Variants in GRIN2B observed in about 807,000 individuals in gnomAD.
GRIN2B encodes glutamate receptor ionotropic, NMDA 2B.
GRIN2B carries 5 observed loss-of-function variants against 114.5 expected under a neutral mutation model. The observed-to-expected ratio is 0.04, with a 90% CI of 0.02 to 0.09. The LOEUF is 0.09. Ranked by LOEUF, GRIN2B falls within the 10% of genes least tolerant of loss-of-function variation. The pLI is 1.00. For synonymous variants in GRIN2B, 787 were observed against 745.1 expected (o/e 1.06, Z -0.92); for missense variants, 1,108 against 1,943.5 (o/e 0.57, Z 8.08).
chr12:13,728,557 GA>G, intron 4 of GRIN2B, among the ~76,000 whole-genome samples: 1 of 152,136 alleles, frequency 6.6e-6, no homozygotes. Flanking sequence ...CTGGAAGAGA[GA>G]AAGGATGGAG....
At chr12:13,699,024 T>C (rs1950286992) in intron 4 of GRIN2B, among the ~76,000 whole-genome samples, 1 of 152,158 alleles carries the variant, frequency 6.6e-6, no homozygotes, top group Non-Finnish European at 1.5e-5. Flanking sequence ...CTTGGGAAGG[T>C]GACCATCCAT....
intron 2 of GRIN2B, among the ~76,000 whole-genome samples, chr12:13,923,005 A>T (rs887177382): frequency 2.0e-5 from 3 of 152,140 alleles, no homozygotes; most frequent in Non-Finnish European, 2.9e-5. Flanking sequence ...GAAAAAAAAT[A>T]AAAAACTATT....
intron 3 of GRIN2B, among the ~76,000 whole-genome samples, chr12:13,837,293 G>A (rs956980007): frequency 2.0e-5 from 3 of 152,170 alleles, no homozygotes; most frequent in African/African-American, 7.2e-5. Flanking sequence ...ATCTTTCTCT[G>A]AGACATGTCC....
At chr12:13,915,395 C>A (rs772162997) in intron 2 of GRIN2B, among the ~76,000 whole-genome samples, 6 of 152,184 alleles carry the variant, frequency 3.9e-5, no homozygotes, top group African/African-American at 7.2e-5. Flanking sequence ...CAACCCCTGG[C>A]CACAGGCAGG....
At chr12:13,944,519 A>G (rs1048055967) in intron 2 of GRIN2B, among the ~76,000 whole-genome samples, 16 of 152,328 alleles carry the variant, frequency 1.1e-4, no homozygotes, top group African/African-American at 3.8e-4. Context: ...AGAGACACTT[A>G]CTGAGATGCC....
At chr12:13,758,249 C>T (rs1863614382) in intron 3 of GRIN2B, among the ~76,000 whole-genome samples, 1 of 152,140 alleles carries the variant, frequency 6.6e-6, no homozygotes, top group Non-Finnish European at 1.5e-5. Context: ...TCCAATCTTC[C>T]CTTCCCACTC....
intron 4 of GRIN2B, among the ~76,000 whole-genome samples, chr12:13,715,193 T>C (rs999324214): frequency 6.6e-6 from 1 of 151,878 alleles, no homozygotes; most frequent in Non-Finnish European, 1.5e-5. Context: ...GGTGAATTAT[T>C]CTGGGAATAA....
intron 2 of GRIN2B, among the ~76,000 whole-genome samples, chr12:13,889,607 A>T: frequency 6.6e-6 from 1 of 152,204 alleles, no homozygotes. Context: ...CTTAAAATGA[A>T]TAAAAAGGCT....
At chr12:13,653,892 C>G (rs559658495) in intron 5 of GRIN2B, among the ~76,000 whole-genome samples, 23 of 152,198 alleles carry the variant, frequency 1.5e-4, no homozygotes, top group African/African-American at 5.5e-4. Flanking sequence ...TCCATCTTTC[C>G]TCTTTTCTGC....
intron 4 of GRIN2B, among the ~76,000 whole-genome samples, chr12:13,698,218 TGGGGCGC>T (rs760108568): frequency 1.3e-5 from 2 of 152,204 alleles, no homozygotes; most frequent in African/African-American, 4.8e-5. Context: ...GCGGTGGAGT[TGGGGCGC>T]GGGGCGCGGG....
chr12:13,783,206 T>A (rs191552553), intron 3 of GRIN2B, among the ~76,000 whole-genome samples: 2 of 152,254 alleles, frequency 1.3e-5, no homozygotes, highest in Admixed American at 1.3e-4. Flanking sequence ...GATGAATTCA[T>A]CTCTTTCGCA....
chr12:13,563,002 C>T lies in GRIN2B; in HGVS notation c.4236G>A (p.Ala1412=), dbSNP rs369034274. 1.9e-5 allele frequency: 30 copies of T among 1,613,358 alleles called. No homozygotes were observed. In the East Asian group the frequency reaches 4.5e-4, roughly 24 times the overall value. The change falls in exon 14 of 14, where the codon GCG becomes GCA. Residue 1412 remains alanine (A), a synonymous_variant. Coordinates refer to ENST00000609686, the MANE Select transcript of GRIN2B (RefSeq NM_000834.5). ...KSYFFRQPTV[A]GASKARPDFR... Reference sequence around the variant, plus strand: ...AGTCCGGCCTGGCTTTCGACGCCCCCGCCACCGTGGGCTGCCTGAAGAAGT... The same window carrying T: ...AGTCCGGCCTGGCTTTCGACGCCCCTGCCACCGTGGGCTGCCTGAAGAAGT...
At chr12:13,676,707 G>C (rs899919642) in intron 4 of GRIN2B, among the ~76,000 whole-genome samples, 1 of 152,138 alleles carries the variant, frequency 6.6e-6, no homozygotes. Flanking sequence ...CTCTATCCCA[G>C]AGATATGCAC....
intron 4 of GRIN2B, among the ~76,000 whole-genome samples, chr12:13,690,370 C>G (rs915664568): frequency 2.9e-4 from 17 of 58,394 alleles, no homozygotes; most frequent in Admixed American, 1.3e-3. Context: ...CTCTCTCTCT[C>G]TCTCACACAC....
intron 3 of GRIN2B, among the ~76,000 whole-genome samples, chr12:13,786,862 G>C (rs1311087453): frequency 6.6e-6 from 1 of 152,038 alleles, no homozygotes; most frequent in Non-Finnish European, 1.5e-5. Context: ...GTGGGGGCTG[G>C]GAGGGAGCAG....
intron 5 of GRIN2B, among the ~76,000 whole-genome samples, chr12:13,621,849 A>C (rs1949521206): frequency 6.6e-6 from 1 of 152,062 alleles, no homozygotes; most frequent in Non-Finnish European, 1.5e-5. Context: ...TCCTTCTGCT[A>C]ACAGATTCCT....
intron 3 of GRIN2B, among the ~76,000 whole-genome samples, chr12:13,789,332 T>G (rs566858736): frequency 6.6e-6 from 1 of 152,296 alleles, no homozygotes; most frequent in East Asian, 1.9e-4. Flanking sequence ...TTAAACTAAG[T>G]GCATGTGCCT....
At position 13,546,882 on chromosome 12, in the gene GRIN2B, G is replaced by C. The variant is rs1948350521; in HGVS notation, c.*15901C>G. The C allele has an allele frequency of 6.6e-6, 1 of 152,240 alleles. No individual in the cohort carries two copies. 9.4% of individuals were successfully genotyped at this position (152,240 alleles called of 1,614,324 possible). ...ACATACACAACAGGCATCTTGACCA[G>C]AGCACCAGGACACATGCTCAGAGGT... On this transcript the variant is annotated 3_prime_UTR_variant, in exon 14 of 14. Coordinates refer to ENST00000609686, the MANE Select transcript of GRIN2B (RefSeq NM_000834.5).
rs537152542 is a variant in GRIN2B at position 13,604,795 on chromosome 12, A to T, written c.2010+3808T>A. On this transcript the variant is annotated intron_variant, in intron 10 of 13. Transcript: ENST00000609686. ...TTTCAGGAAACTCTCTTTCTGATTT[A>T]TATAACTGTCCATGACACTGATATG... Among the ~76,000 whole-genome samples, 8 of 151,526 alleles carry T rather than the reference A, an allele frequency of 5.3e-5. No individual in the cohort carries two copies. The South Asian group carries it at 1.7e-3, about 32-fold the overall frequency.
Sources: allele counts gnomAD v4.1 joint callset (sites outside exome capture counted in the v4.1 genomes callset), GRCh38; gene constraint gnomAD v4.1.1; transcripts MANE v1.5; gene names NCBI Gene and HGNC (gene_info 2026-07-23, HGNC 2026-07-21).